Variants in CELF2 observed in about 807,000 individuals in gnomAD.
The protein encoded by CELF2 is CUG triplet repeat RNA-binding protein 2.
CELF2 carries 8 observed loss-of-function variants against 62.6 expected under a neutral mutation model. That is an observed-to-expected ratio of 0.13 (90% CI 0.07 to 0.23). The LOEUF is 0.23. Among genes scored for constraint, CELF2 ranks in the 10% least tolerant of loss-of-function variants. The pLI, the probability that CELF2 is intolerant of heterozygous loss-of-function variation, is 1.00. For synonymous variants in CELF2, 258 were observed against 250.0 expected, an observed-to-expected ratio of 1.03 and a Z score of -0.30; for missense variants, 333 against 671.0, an observed-to-expected ratio of 0.50 and a Z score of 5.56.
chr10:10,959,386 G>A (rs1405007423), intron 2 of CELF2, among the ~76,000 whole-genome samples: 1 of 152,196 alleles, frequency 6.6e-6, no homozygotes, highest in Non-Finnish European at 1.5e-5. Context: ...TTTATTATGA[G>A]CCACTAGTTT....
chr10:11,333,584 CT>C lies in CELF2; in HGVS notation c.*4536del, dbSNP rs1265846164. ...TTAAAAAAACCTGTAGTTTCATTAC[CT>C]TTTTGAATAATGTCATACAAAAAAT... On this transcript the variant is annotated 3_prime_UTR_variant, in exon 13 of 13. Transcript: ENST00000633077. 6.6e-6 allele frequency: 1 copy of C among 151,670 alleles called. No homozygotes were observed. The highest frequency in any genetic ancestry group is 2.4e-5 in the African/African-American group (1 of 41,186). The allele number at this position is 151,670 out of a possible 1,614,324, so 9.4% of individuals were successfully genotyped here.
At chr10:10,677,614 G>A in the CELF2 span, among the ~76,000 whole-genome samples, 1 of 152,188 alleles carries the variant, frequency 6.6e-6, no homozygotes, top group Non-Finnish European at 1.5e-5. Flanking sequence ...GTTAAGATTT[G>A]AGATCCTCCA....
the CELF2 span, among the ~76,000 whole-genome samples, chr10:10,482,778 G>T: frequency 2.1e-4 from 32 of 152,046 alleles, no homozygotes; most frequent in Non-Finnish European, 3.8e-4. Flanking sequence ...AGCTCACACT[G>T]CCAGCCACCC....
At chr10:10,884,394 A>G (rs1205817181) in intron 1 of CELF2, among the ~76,000 whole-genome samples, 1 of 152,162 alleles carries the variant, frequency 6.6e-6, no homozygotes, top group Non-Finnish European at 1.5e-5. Flanking sequence ...CCCAATTTTG[A>G]ACTTAACCAT....
chr10:11,186,736 A>G (rs1287430426), intron 2 of CELF2, among the ~76,000 whole-genome samples: 1 of 152,196 alleles, frequency 6.6e-6, no homozygotes, highest in African/African-American at 2.4e-5. Flanking sequence ...TGGATCAGGA[A>G]AGGGATGCTC....
intron 1 of CELF2, among the ~76,000 whole-genome samples, chr10:10,872,749 G>A (rs1027518950): frequency 1.3e-5 from 2 of 152,114 alleles, no homozygotes; most frequent in Non-Finnish European, 2.9e-5. Context: ...TGCACCCATG[G>A]GGTGAGGAAA....
In CELF2 at chr10:11,268,232, TAAA is replaced by T. The variant is rs891240483; in HGVS notation, c.618+1559_618+1561del. On this transcript the variant is annotated intron_variant, in intron 6 of 12. Coordinates refer to ENST00000633077, the MANE Select transcript of CELF2 (RefSeq NM_001326342.2). The surrounding 1 kb of genome is among the most constrained non-coding windows in gnomAD (Gnocchi z 4.7). ...GAAACTGCTGTTAGGGGCAAAAAAA[TAAA>T]AAAGAAAACTCTTTACTTGTATTAT... Among the ~76,000 whole-genome samples, 9 of 152,122 alleles carry T rather than the reference TAAA, an allele frequency of 5.9e-5. No homozygotes were observed. The highest frequency in any genetic ancestry group is 4.6e-4 in the Admixed American group (7 of 15,276).
chr10:10,874,459 T>C (rs1325489305), intron 1 of CELF2, among the ~76,000 whole-genome samples: 2 of 151,328 alleles, frequency 1.3e-5, no homozygotes, highest in Non-Finnish European at 2.9e-5. Context: ...AAAAAAACCT[T>C]GATTATACTA....
the CELF2 span, among the ~76,000 whole-genome samples, chr10:10,476,976 T>C: frequency 4.3e-4 from 66 of 152,300 alleles, no homozygotes; most frequent in African/African-American, 1.6e-3. Context: ...GACAATGTAA[T>C]TGAAATTATT....
intron 1 of CELF2, among the ~76,000 whole-genome samples, chr10:10,845,018 T>C (rs2058922213): frequency 6.6e-6 from 1 of 152,184 alleles, no homozygotes; most frequent in African/African-American, 2.4e-5. Context: ...TTTAATTATT[T>C]GCTCAAGGAC....
rs79284980 is a variant in CELF2 at position 10,977,548 on chromosome 10, A to G, written c.89+57549A>G. Among the ~76,000 whole-genome samples the G allele has an allele frequency of 2.0e-4, 30 of 152,342 alleles. No homozygotes were observed. In the East Asian group the frequency reaches 5.0e-3, roughly 25 times the overall value. On this transcript the variant is annotated intron_variant, in intron 2 of 13. Transcript: ENST00000636488. Reference sequence around the variant, plus strand: ...TGTCTTTCCTGGTGTGAAATGTACAAATTTTAAAGATTAGAAATGAGTCAA... The same window carrying G: ...TGTCTTTCCTGGTGTGAAATGTACAGATTTTAAAGATTAGAAATGAGTCAA...
chr10:11,284,001 G>C (rs1590632024), intron 8 of CELF2, among the ~76,000 whole-genome samples: 9 of 145,166 alleles, frequency 6.2e-5, no homozygotes, highest in African/African-American at 2.1e-4. Context: ...GAGTGGATGA[G>C]GGATGAGTGT....
chr10:10,659,227 A>C, the CELF2 span, among the ~76,000 whole-genome samples: 3 of 152,194 alleles, frequency 2.0e-5, no homozygotes, highest in Admixed American at 2.0e-4. Flanking sequence ...GGAGCATATT[A>C]AAGAGATGTG....
chr10:10,635,885 C>T, the CELF2 span, among the ~76,000 whole-genome samples: 3 of 152,208 alleles, frequency 2.0e-5, no homozygotes, highest in Non-Finnish European at 4.4e-5. Flanking sequence ...GCTGTGGCAA[C>T]TGTGATACTG....
chr10:10,482,812 G>A, the CELF2 span, among the ~76,000 whole-genome samples: 1 of 152,120 alleles, frequency 6.6e-6, no homozygotes. Context: ...CACACAGCAA[G>A]GCAATATTTC....
At chr10:11,045,576 G>A (rs375786090) in intron 1 of CELF2, among the ~76,000 whole-genome samples, 3 of 152,232 alleles carry the variant, frequency 2.0e-5, no homozygotes, top group South Asian at 2.1e-4. Flanking sequence ...AATGTTAACT[G>A]CAATTATTAC....
At chr10:11,166,695 TCTC>T (rs2067312572) in intron 2 of CELF2, among the ~76,000 whole-genome samples, 1 of 152,228 alleles carries the variant, frequency 6.6e-6, no homozygotes, top group African/African-American at 2.4e-5. Context: ...CTATATTGCT[TCTC>T]CTAAGACCTC....
the CELF2 span, among the ~76,000 whole-genome samples, chr10:10,520,438 T>TACC: frequency 6.6e-6 from 1 of 152,186 alleles, no homozygotes; most frequent in Non-Finnish European, 1.5e-5. Flanking sequence ...AAGCACTGGA[T>TACC]ACCACAAGAG....
At chr10:10,782,082 C>T in the CELF2 span, among the ~76,000 whole-genome samples, 66 of 152,222 alleles carry the variant, frequency 4.3e-4, no homozygotes, top group Admixed American at 2.9e-3. Flanking sequence ...TGCCATTTTA[C>T]GGAAGGAATT....
Sources: allele counts gnomAD v4.1 joint callset (sites outside exome capture counted in the v4.1 genomes callset), GRCh38; gene constraint gnomAD v4.1.1; non-coding constraint Gnocchi (gnomAD v3.1); transcripts MANE v1.5; gene names NCBI Gene and HGNC (gene_info 2026-07-23, HGNC 2026-07-21).